The following ARHGAP26 variants were observed in gnomAD, a reference collection of about 807,000 sequenced individuals.
ARHGAP26 encodes the protein Rho GTPase activating protein 26, also known as rho GTPase-activating protein 26.
A neutral mutation model predicts 104.8 loss-of-function variants in ARHGAP26; 38 were observed. The observed-to-expected ratio is 0.36, with a 90% CI of 0.28 to 0.48. The LOEUF (loss-of-function observed/expected upper bound fraction) is 0.48. Among genes scored for constraint, ARHGAP26 ranks in the 20% least tolerant of loss-of-function variants. The probability of loss-of-function intolerance (pLI) is 0.99; values close to 1 mark genes in which losing one functional copy is unlikely to be tolerated. For synonymous variants in ARHGAP26, 341 were observed against 340.0 expected (o/e 1.00, Z -0.03); for missense variants, 704 against 947.9 (o/e 0.74, Z 3.38).
chr5:142,920,423 A>T (rs777910780), intron 10 of ARHGAP26, among the ~76,000 whole-genome samples: 1 of 152,230 alleles, frequency 6.6e-6, no homozygotes, highest in Admixed American at 6.5e-5. Context: ...TTTCTCACAG[A>T]TGTAAGTGAC....
chr5:142,871,774 G>A lies in ARHGAP26; in HGVS notation c.155-1626G>A, dbSNP rs1755340791. Among the ~76,000 whole-genome samples, 1 of 152,238 alleles carries A rather than the reference G, an allele frequency of 6.6e-6. No homozygotes were observed. Among genetic ancestry groups the A allele is most frequent in the South Asian group, 2.1e-4 (1 of 4,828 alleles). ...GCCTCAGCCTGGGCTGGCCATTTTT[G>A]TCAGATGCCTGAGTCCCCTGCCAAC... On this transcript the variant is annotated intron_variant, in intron 1 of 22. Transcript: ENST00000645722. This position sits in a 1 kb window ranked among gnomAD's most constrained non-coding sequence, Gnocchi z 4.1.
chr5:143,159,924 ATTT>A (rs199761987), intron 20 of ARHGAP26, among the ~76,000 whole-genome samples: 18 of 148,688 alleles, frequency 1.2e-4, no homozygotes, highest in Admixed American at 2.7e-4. Flanking sequence ...GTGGTATGGG[ATTT>A]TTTTTTTTTT....
intron 20 of ARHGAP26, among the ~76,000 whole-genome samples, chr5:143,154,478 C>G (rs899470135): frequency 1.3e-5 from 2 of 152,198 alleles, no homozygotes; most frequent in Non-Finnish European, 1.5e-5. Context: ...GGGCTCCCCC[C>G]ACAAACTGTC....
At chr5:143,193,249 T>TC (rs1028625570) in intron 20 of ARHGAP26, among the ~76,000 whole-genome samples, 1 of 137,552 alleles carries the variant, frequency 7.3e-6, no homozygotes, top group African/African-American at 2.8e-5. Context: ...TCTTTTTTTT[T>TC]TTTTTTTTTT....
intron 17 of ARHGAP26, among the ~76,000 whole-genome samples, chr5:143,074,254 T>C (rs1788670360): frequency 6.6e-6 from 1 of 152,176 alleles, no homozygotes; most frequent in Admixed American, 6.6e-5. Context: ...ACTGTATTAT[T>C]TTGTGTGTGT....
intron 5 of ARHGAP26, among the ~76,000 whole-genome samples, chr5:142,889,913 T>A (rs1758255619): frequency 1.3e-5 from 2 of 151,396 alleles, no homozygotes; most frequent in African/African-American, 4.9e-5. Flanking sequence ...GGTGGACAGA[T>A]CACCTGAGGT....
Position 142,890,181 on chromosome 5 carries a change from T to A in ARHGAP26, c.487-4057T>A, listed in dbSNP as rs1321300213. Among the ~76,000 whole-genome samples the A allele has an allele frequency of 6.9e-4, 77 of 111,586 alleles. 1 individual carries two copies. The highest frequency in any genetic ancestry group is 3.7e-3 in the South Asian group (13 of 3,504). 73.2% of individuals were successfully genotyped at this position (111,586 alleles called of 152,430 possible). ...ATATATATATATATATATATATATA[T>A]ATATATATATATATATGAAAGTGCA... On this transcript the variant is annotated intron_variant, in intron 5 of 22. Transcript: ENST00000645722.
chr5:143,075,526 G>C (rs1390098979), intron 17 of ARHGAP26, among the ~76,000 whole-genome samples: 1 of 152,066 alleles, frequency 6.6e-6, no homozygotes, highest in Non-Finnish European at 1.5e-5. Context: ...GGAGATCACT[G>C]GGCCTCACTC....
At chr5:142,958,307 G>A (rs922239587) in intron 11 of ARHGAP26, among the ~76,000 whole-genome samples, 2 of 152,160 alleles carry the variant, frequency 1.3e-5, no homozygotes, top group African/African-American at 4.8e-5. Flanking sequence ...AGCCTCTGAG[G>A]TGGTATTGTA....
intron 17 of ARHGAP26, among the ~76,000 whole-genome samples, chr5:143,088,739 G>A (rs565731955): frequency 6.6e-6 from 1 of 152,338 alleles, no homozygotes; most frequent in Admixed American, 6.5e-5. Context: ...CAAGGGAGGG[G>A]AAGGGGTTTT....
intron 11 of ARHGAP26, among the ~76,000 whole-genome samples, chr5:142,957,057 T>C (rs1216524557): frequency 2.0e-5 from 3 of 152,178 alleles, no homozygotes; most frequent in African/African-American, 7.2e-5. Flanking sequence ...GTGTACGTTG[T>C]CATAGACAAA....
At chr5:142,839,488 G>A (rs757044951) in intron 1 of ARHGAP26, among the ~76,000 whole-genome samples, 4 of 152,116 alleles carry the variant, frequency 2.6e-5, no homozygotes, top group Non-Finnish European at 5.9e-5. Flanking sequence ...TGTGTCTGAT[G>A]CTGAAACCCA....
Position 143,188,348 on chromosome 5 carries a change from T to C in ARHGAP26, c.1989-18850T>C, listed in dbSNP as rs1238234883. On this transcript the variant is annotated intron_variant, in intron 20 of 22. Coordinates refer to ENST00000645722, the MANE Select transcript of ARHGAP26 (RefSeq NM_001135608.3). ...GAGCAGGAATAGTATTTTGAAGATA[T>C]AGCTTCTTAGGCCCCAACCCTGCCA... is the stretch of plus-strand genomic sequence containing the variant. 3.3e-5 allele frequency among the ~76,000 whole-genome samples: 5 copies of C among 152,318 alleles called. No individual in the cohort carries two copies. The East Asian group carries it at 5.8e-4, about 18-fold the overall frequency.
chr5:142,793,833 C>G (rs533577933), intron 1 of ARHGAP26, among the ~76,000 whole-genome samples: 211 of 152,246 alleles, frequency 1.4e-3, no homozygotes, highest in Middle Eastern at 3.4e-3. Context: ...AGCGATCTGC[C>G]TGCTTCGACC....
intron 2 of ARHGAP26, chr5:142,874,893 A>G (rs1755863228): frequency 1.9e-6 from 1 of 536,678 alleles, no homozygotes; most frequent in Admixed American, 3.2e-5. Context: ...TGAAGAAATC[A>G]TTCCCTAGCT....
At chr5:142,990,716 G>T (rs569586385) in intron 11 of ARHGAP26, among the ~76,000 whole-genome samples, 1 of 152,266 alleles carries the variant, frequency 6.6e-6, no homozygotes, top group South Asian at 2.1e-4. Flanking sequence ...GTTGGGGTTC[G>T]CTGGAGGTCC....
chr5:143,088,565 C>G (rs529978226), intron 17 of ARHGAP26, among the ~76,000 whole-genome samples: 8 of 152,158 alleles, frequency 5.3e-5, no homozygotes, highest in African/African-American at 1.9e-4. Context: ...CCAAGATAAT[C>G]TGAGACTGAA....
chr5:143,176,993 C>T (rs1262517405), intron 20 of ARHGAP26, among the ~76,000 whole-genome samples: 1 of 152,176 alleles, frequency 6.6e-6, no homozygotes, highest in Admixed American at 6.5e-5. Flanking sequence ...TATCAATGTG[C>T]TTTGGCTCTG....
rs181426961 is a variant in ARHGAP26 at position 143,131,570 on chromosome 5, G to C, written c.1699-2397G>C. ...AGAAAGGTACTAGAAGACACTGTTA[G>C]GTTGAAACACATCCTTGTATGTTTG... On this transcript the variant is annotated intron_variant, in intron 18 of 22. Transcript: ENST00000645722. Among the ~76,000 whole-genome samples, 26 of 152,330 alleles carry C rather than the reference G, an allele frequency of 1.7e-4. 1 individual carries two copies. In the East Asian group the frequency reaches 5.0e-3, roughly 29 times the overall value.
Sources: allele counts gnomAD v4.1 joint callset (sites outside exome capture counted in the v4.1 genomes callset), GRCh38; gene constraint gnomAD v4.1.1; non-coding constraint Gnocchi (gnomAD v3.1); transcripts MANE v1.5; gene names NCBI Gene and HGNC (gene_info 2026-07-23, HGNC 2026-07-21).